Variants in VAV3 observed in about 807,000 individuals in gnomAD.
The protein encoded by VAV3 is vav guanine nucleotide exchange factor 3.
In VAV3, 94 loss-of-function variants were observed where a neutral mutation model predicts 131.2. The ratio of observed to expected loss-of-function variants is 0.72; its 90% confidence interval spans 0.61 to 0.85. The LOEUF is 0.85. Ranked by LOEUF, VAV3 falls within the 40% of genes least tolerant of loss-of-function variation. The probability of loss-of-function intolerance (pLI) is 0.00; values close to 1 mark genes in which losing one functional copy is unlikely to be tolerated. For synonymous variants in VAV3, 349 were observed against 342.0 expected (o/e 1.02, Z -0.22); for missense variants, 939 against 1,002.7 (o/e 0.94, Z 0.86).
chr1:107,729,139 C>T (rs1441716878), intron 15 of VAV3, among the ~76,000 whole-genome samples: 2 of 152,112 alleles, frequency 1.3e-5, no homozygotes, highest in Non-Finnish European at 2.9e-5. Flanking sequence ...GTATGAAACA[C>T]TATTTCGAAG....
Position 107,574,079 on chromosome 1 carries a change from T to C in VAV3, c.2470A>G (p.Asn824Asp), listed in dbSNP as rs1649444919. ...TTTACTTCTCCTCTCCACCAGCCATTTGCACTCATCTTTGTGTAAATCTTC... is the reference window on the plus strand; with the variant it reads ...TTTACTTCTCCTCTCCACCAGCCATCTGCACTCATCTTTGTGTAAATCTTC... ...VVKIYTKMSANGWWRGEVNGR... is the reference protein window; with the variant it reads ...VVKIYTKMSADGWWRGEVNGR... The change falls in exon 26 of 27, where the codon AAT becomes GAT. Residue 824 changes from asparagine (N) to aspartate (D), a missense_variant. Asn to Asp is a conservative substitution (Grantham distance 23). Transcript: ENST00000370056. The C allele has an allele frequency of 1.9e-6, 3 of 1,613,960 alleles. No homozygotes were observed. The highest frequency in any genetic ancestry group is 1.7e-6 in the Non-Finnish European group (2 of 1,180,018).
At chr1:107,882,908 G>A (rs957277797) in intron 1 of VAV3, among the ~76,000 whole-genome samples, 11 of 152,270 alleles carry the variant, frequency 7.2e-5, no homozygotes, top group Admixed American at 2.0e-4. Flanking sequence ...TAATATCACA[G>A]TAAATGATGA....
At chr1:107,645,580 A>C (rs1557729846) in intron 19 of VAV3, among the ~76,000 whole-genome samples, 1 of 152,092 alleles carries the variant, frequency 6.6e-6, no homozygotes. Context: ...TCCACTTATG[A>C]AAAAGGCACC....
intron 19 of VAV3, among the ~76,000 whole-genome samples, chr1:107,646,494 T>A (rs1655746622): frequency 6.6e-6 from 1 of 152,028 alleles, no homozygotes; most frequent in Non-Finnish European, 1.5e-5. Flanking sequence ...TCTTAGAAGT[T>A]CCTAAAACTT....
At chr1:107,733,506 G>A (rs111829952) in intron 15 of VAV3, among the ~76,000 whole-genome samples, 4,441 of 152,204 alleles carry the variant, frequency 0.029, 206 homozygotes, top group African/African-American at 0.096. Flanking sequence ...AAGATTAGAC[G>A]AATGGCTAAC....
At chr1:107,963,413 T>C (rs1675236775) in intron 1 of VAV3, 1 of 152,072 alleles carries the variant, frequency 6.6e-6, no homozygotes. Flanking sequence ...TATAAAATAA[T>C]TTACCTCACT....
intron 1 of VAV3, among the ~76,000 whole-genome samples, chr1:107,929,959 C>T (rs1023695758): frequency 1.3e-5 from 2 of 152,098 alleles, no homozygotes; most frequent in Non-Finnish European, 2.9e-5. Context: ...TTTGCATGGT[C>T]TCACTTATTT....
intron 15 of VAV3, among the ~76,000 whole-genome samples, chr1:107,716,341 T>G (rs539521724): frequency 4.6e-5 from 7 of 152,300 alleles, no homozygotes; most frequent in Admixed American, 6.5e-5. Context: ...AAAAGTGCTT[T>G]GGTGGGCCAG....
At chr1:107,732,428 T>G (rs1662304610) in intron 15 of VAV3, among the ~76,000 whole-genome samples, 1 of 151,998 alleles carries the variant, frequency 6.6e-6, no homozygotes, top group Admixed American at 6.6e-5. Context: ...CCCAAGAAGC[T>G]CAAGGGGTTG....
intron 2 of VAV3, among the ~76,000 whole-genome samples, chr1:107,866,926 G>A (rs1442302910): frequency 5.3e-5 from 8 of 149,568 alleles, no homozygotes; most frequent in Admixed American, 5.3e-4. Flanking sequence ...TGTCTCCAAA[G>A]GAAAAAAAAA....
intron 15 of VAV3, among the ~76,000 whole-genome samples, chr1:107,725,263 A>T (rs1432143577): frequency 6.6e-6 from 1 of 152,146 alleles, no homozygotes; most frequent in African/African-American, 2.4e-5. Context: ...ACTTCCCCAT[A>T]TTCTTCCTCC....
At chr1:107,960,752 T>C (rs116008001) in intron 1 of VAV3, among the ~76,000 whole-genome samples, 1,952 of 152,198 alleles carry the variant, frequency 0.013, 54 homozygotes, top group African/African-American at 0.045. Flanking sequence ...TATTCTTTTT[T>C]CCAAACATTG....
intron 2 of VAV3, among the ~76,000 whole-genome samples, chr1:107,870,977 G>C (rs1670225084): frequency 1.3e-5 from 2 of 152,112 alleles, no homozygotes; most frequent in South Asian, 4.1e-4. Flanking sequence ...TCTCATTAAA[G>C]AAAAAATCCC....
chr1:107,600,626 G>A (rs113182318), intron 24 of VAV3, among the ~76,000 whole-genome samples: 2,487 of 152,068 alleles, frequency 0.016, 73 homozygotes, highest in African/African-American at 0.057. Flanking sequence ...AAGGCTCTCT[G>A]GCACAATTTT....
At chr1:107,574,994 C>CGT (rs1491040761) in intron 25 of VAV3, among the ~76,000 whole-genome samples, 1 of 135,814 alleles carries the variant, frequency 7.4e-6, no homozygotes, top group African/African-American at 3.5e-5. Context: ...TGTGTGTGTG[C>CGT]GTGCGTGCGC....
intron 1 of VAV3, among the ~76,000 whole-genome samples, chr1:107,905,532 T>A (rs111643416): frequency 1.3e-4 from 20 of 152,096 alleles, no homozygotes; most frequent in African/African-American, 4.8e-4. Flanking sequence ...CTCTGACATC[T>A]TAAAAAAAAA....
At chr1:107,814,628 T>C (rs1334874575) in intron 2 of VAV3, among the ~76,000 whole-genome samples, 2 of 152,220 alleles carry the variant, frequency 1.3e-5, no homozygotes, top group Admixed American at 1.3e-4. Context: ...GCTTTTAGGT[T>C]GAATATAATC....
rs2101478501 is a variant in VAV3 at position 107,639,432 on chromosome 1, A to G, written c.1914+3187T>C. Among the ~76,000 whole-genome samples, 2 of 152,262 alleles carry G rather than the reference A, an allele frequency of 1.3e-5. 1 individual carries two copies. The highest frequency in any genetic ancestry group is 4.1e-4 in the South Asian group (2 of 4,828). On this transcript the variant is annotated intron_variant, in intron 20 of 26. Coordinates refer to ENST00000370056, the MANE Select transcript of VAV3 (RefSeq NM_006113.5). The stretch of plus-strand genomic sequence containing the variant: ...GCATATGGAAATAAAATATTTTATG[A>G]AGGACTTTTACCCAAAATATCTAGG...
chr1:107,612,261 T>A (rs1239042990), intron 21 of VAV3, among the ~76,000 whole-genome samples: 1 of 151,830 alleles, frequency 6.6e-6, no homozygotes, highest in South Asian at 2.1e-4. Flanking sequence ...TGAAGCTAGA[T>A]GGCACACTTA....
Sources: allele counts gnomAD v4.1 joint callset (sites outside exome capture counted in the v4.1 genomes callset), GRCh38; gene constraint gnomAD v4.1.1; transcripts MANE v1.5; gene names NCBI Gene and HGNC (gene_info 2026-07-23, HGNC 2026-07-21).